Variants in PHC2 observed in about 807,000 individuals in gnomAD.
PHC2 encodes the protein polyhomeotic homolog 2, also known as polyhomeotic-like protein 2.
Under a neutral mutation model 87.4 loss-of-function variants are expected in PHC2, and 29 were observed. The observed-to-expected ratio is 0.33, with a 90% confidence interval of 0.25 to 0.45. The LOEUF (loss-of-function observed/expected upper bound fraction) is 0.45. PHC2 is among the 20% of genes least tolerant of loss of function. The pLI, the probability that PHC2 is intolerant of heterozygous loss-of-function variation, is 1.00. For missense variants in PHC2, 857 were observed against 1,136.7 expected, an observed-to-expected ratio of 0.75 and a Z score of 3.54; for synonymous variants, 438 against 461.7, an observed-to-expected ratio of 0.95 and a Z score of 0.66.
chr1:33,371,576 C>T (rs1383770629), intron 3 of PHC2, among the ~76,000 whole-genome samples: 1 of 152,238 alleles, frequency 6.6e-6, no homozygotes, highest in Admixed American at 6.5e-5. Context: ...CAGACATGAG[C>T]TGGAGTGTCC....
At chr1:33,375,050 G>A (rs529941113) in intron 2 of PHC2, among the ~76,000 whole-genome samples, 5 of 152,214 alleles carry the variant, frequency 3.3e-5, no homozygotes, top group Non-Finnish European at 7.3e-5. Context: ...ACTGAGATGT[G>A]TTCTTCACCG....
At position 33,400,977 on chromosome 1, in the gene PHC2, G is replaced by T. The variant is rs1175609107; in HGVS notation, c.-54-25384C>A. 3.3e-5 allele frequency among the ~76,000 whole-genome samples: 5 copies of T among 152,202 alleles called. No homozygotes were observed. In the East Asian group the frequency reaches 7.7e-4, roughly 24 times the overall value. ...AATAAATAAAAGCATTAAAGGAATT[G>T]TCTGAAGGTTAACAGACTCCAGTAC... On this transcript the variant is annotated intron_variant, in intron 1 of 14. Coordinates refer to ENST00000683057, the MANE Select transcript of PHC2 (RefSeq NM_001385109.1).
Position 33,327,932 on chromosome 1 carries a change from C to G in PHC2, c.2425+938G>C, listed in dbSNP as rs1180452146. Among the ~76,000 whole-genome samples, 4 of 152,196 alleles carry G rather than the reference C, an allele frequency of 2.6e-5. No individual in the cohort carries two copies. The East Asian group carries it at 7.7e-4, about 29-fold the overall frequency. On this transcript the variant is annotated intron_variant, in intron 14 of 14. Transcript: ENST00000683057. ...AGGAAGCCACTCCTGAATTCCTTAC[C>G]CACAGCAACTGTGTAATAAAAATTT... is the stretch of plus-strand genomic sequence containing the variant.
At position 33,373,178 on chromosome 1, in the gene PHC2, C is replaced by T. The variant is rs571850593; in HGVS notation, c.175-731G>A. 2.0e-4 allele frequency among the ~76,000 whole-genome samples: 31 copies of T among 152,214 alleles called. 1 individual carries two copies. The South Asian group carries it at 6.0e-3, about 30-fold the overall frequency. On this transcript the variant is annotated intron_variant, in intron 2 of 14. Transcript: ENST00000683057. The stretch of plus-strand genomic sequence containing the variant: ...TGTTGCCCAGGCTGGAGTGCAATGG[C>T]GTGATCTCGGCTCACTGCAACCTCT...
intron 1 of PHC2, among the ~76,000 whole-genome samples, chr1:33,389,193 GA>G (rs1454825592): frequency 1.3e-5 from 2 of 152,074 alleles, no homozygotes; most frequent in Non-Finnish European, 2.9e-5. Context: ...TGGGGGGTGC[GA>G]AAGAGACGAA....
rs147556764 is a variant in PHC2 at position 33,323,649 on chromosome 1, AAAAAC to A, written c.*1211_*1215del. 7.2e-4 allele frequency: 110 copies of A among 152,782 alleles called. 1 individual carries two copies. Among genetic ancestry groups the A allele is most frequent in the African/African-American group, 2.2e-3 (90 of 41,584 alleles). 9.5% of individuals were successfully genotyped at this position (152,782 alleles called of 1,614,324 possible). On this transcript the variant is annotated 3_prime_UTR_variant, in exon 15 of 15. Transcript: ENST00000683057. Reference sequence around the variant, plus strand: ...GACAGATTTTACAGATTTATTTTTAAAAAACAAAACAAAGGTTAAAAAAGTCCTTC... The same window carrying A: ...GACAGATTTTACAGATTTATTTTTAAAAAACAAAGGTTAAAAAAGTCCTTC...
In PHC2 at chr1:33,324,667, A is replaced by G; in HGVS notation, c.*198T>C. ...TAAAGCCCCATCTTCTGTGCCACCT[A>G]CCTCTCTGCCCCTCCCACAGAAATG... On this transcript the variant is annotated 3_prime_UTR_variant, in exon 15 of 15. Coordinates refer to ENST00000683057, the MANE Select transcript of PHC2 (RefSeq NM_001385109.1). The G allele has an allele frequency of 3.9e-6, 2 of 508,484 alleles. No individual in the cohort carries two copies. The highest frequency in any genetic ancestry group is 6.9e-6 in the Non-Finnish European group (2 of 288,358). 31.5% of individuals were successfully genotyped at this position (508,484 alleles called of 1,614,324 possible).
rs79400632 is a variant in PHC2 at position 33,344,012 on chromosome 1, G to T, written c.1559-9720C>A. On this transcript the variant is annotated intron_variant, in intron 9 of 14. Transcript: ENST00000683057. Reference sequence around the variant, plus strand: ...TTCTATGCAGTTTTTTCATAAAGGGGGGTTTTAAGCAGACAGTGCAGAAGA... The same window carrying T: ...TTCTATGCAGTTTTTTCATAAAGGGTGGTTTTAAGCAGACAGTGCAGAAGA... Among the ~76,000 whole-genome samples, 1,013 of 152,252 alleles carry T rather than the reference G, an allele frequency of 6.7e-3. 9 individuals are homozygous for T. The highest frequency in any genetic ancestry group is 0.013 in the Admixed American group (205 of 15,298).
chr1:33,368,614 G>T lies in PHC2; in HGVS notation c.585C>A (p.Phe195Leu). Residue 195 changes from phenylalanine (F) to leucine (L), a missense_variant, in exon 6 of 15, where the codon TTC (phenylalanine) becomes TTA (leucine). Around this residue, in one of 3 missense-constraint regions of PHC2, gnomAD observed 832 missense variants for 1,081.8 expected, o/e 0.77. Transcript: ENST00000683057. The surrounding 1 kb of genome is among the most constrained non-coding windows in gnomAD (Gnocchi z 6.6). Reference protein sequence around the residue: ...QMYLRAQMLIFTPTATVATVQ... With the variant: ...QMYLRAQMLILTPTATVATVQ... Reference sequence around the variant, plus strand: ...CAGTAGCGACGGTGGCCGTGGGCGTGAAGATGAGCTGAGGGGACAAAGGAA... The same window carrying T: ...CAGTAGCGACGGTGGCCGTGGGCGTTAAGATGAGCTGAGGGGACAAAGGAA... 6.4e-7 allele frequency: 1 copy of T among 1,551,022 alleles called. No individual in the cohort carries two copies. Among genetic ancestry groups the T allele is most frequent in the South Asian group, 1.2e-5 (1 of 84,050 alleles).
chr1:33,371,464 AGCCACCACCATCACACCTG>A (rs1647835986), intron 3 of PHC2, among the ~76,000 whole-genome samples: 1 of 151,122 alleles, frequency 6.6e-6, no homozygotes, highest in African/African-American at 2.4e-5. Context: ...CATCACACCC[AGCCACCACCATCACACCTG>A]GCCACCGCCA....
chr1:33,367,477 G>T, intron 6 of PHC2, 49 bp from the exon 7 acceptor site: 1 of 1,403,972 alleles, frequency 7.1e-7, no homozygotes, highest in Non-Finnish European at 9.7e-7. Flanking sequence ...CAGGAGCAAT[G>T]CCAGTATACA....
At position 33,410,034 on chromosome 1, in the gene PHC2, G is replaced by A. The variant is rs1446481968; in HGVS notation, c.-55+20942C>T. On this transcript the variant is annotated intron_variant, in intron 1 of 14. Transcript: ENST00000683057. Reference sequence around the variant, plus strand: ...ATATTTAGTAGTTTTGTATAGTGCCGGTCAATAAGGCTTAATTGCCTCTGC... The same window carrying A: ...ATATTTAGTAGTTTTGTATAGTGCCAGTCAATAAGGCTTAATTGCCTCTGC... Among the ~76,000 whole-genome samples, 8 of 152,216 alleles carry A rather than the reference G, an allele frequency of 5.3e-5. No homozygotes were observed. The South Asian group carries it at 8.3e-4, about 16-fold the overall frequency.
In PHC2 at chr1:33,344,331, A is replaced by G. The variant is rs146079634; in HGVS notation, c.1559-10039T>C. 2.6e-3 allele frequency among the ~76,000 whole-genome samples: 397 copies of G among 152,330 alleles called. 2 individuals carry two copies. The highest frequency in any genetic ancestry group is 8.9e-3 in the African/African-American group (372 of 41,582). ...TATGATGACTATTTTTTTGGTTATC[A>G]ACTGCAGCATCACTAATATTGTTAG... On this transcript the variant is annotated intron_variant, in intron 9 of 14. Coordinates refer to ENST00000683057, the MANE Select transcript of PHC2 (RefSeq NM_001385109.1).
In PHC2 at chr1:33,332,323, C is replaced by A. The variant is rs1227691467; in HGVS notation, c.1843G>T (p.Asp615Tyr). 4.3e-6 allele frequency: 7 copies of A among 1,614,052 alleles called. No homozygotes were observed. Among genetic ancestry groups the A allele is most frequent in the Non-Finnish European group, 5.9e-6 (7 of 1,180,034 alleles). ...GFLPEKLPQQ[D>Y]HTTTTDSEME... ...TCCGAGTCAGTGGTGGTGGTGTGAT[C>A]CTGCTGTGGAAGTTTCTCAGGCAGG... Residue 615 changes from aspartate (D) to tyrosine (Y), a missense_variant, in exon 11 of 15, where the codon GAT (aspartate) becomes TAT (tyrosine). Physicochemically the swap from Asp to Tyr is radical, Grantham distance 160. Coordinates refer to ENST00000683057, the MANE Select transcript of PHC2 (RefSeq NM_001385109.1). The surrounding 1 kb of genome is among the most constrained non-coding windows in gnomAD (Gnocchi z 4.2).
chr1:33,340,011 A>G (rs374453296), intron 9 of PHC2, among the ~76,000 whole-genome samples: 7 of 152,212 alleles, frequency 4.6e-5, no homozygotes, highest in African/African-American at 1.7e-4. Flanking sequence ...CACTCATTCT[A>G]TCTGACCCTA....
intron 1 of PHC2, among the ~76,000 whole-genome samples, chr1:33,424,112 C>CAAAAAAAAAAAAAAA (rs1212690881): frequency 7.3e-6 from 1 of 137,346 alleles, no homozygotes; most frequent in Non-Finnish European, 1.6e-5. Flanking sequence ...AAAAAAAAAA[C>CAAAAAAAAAAAAAAA]AAAAAAAACA....
At chr1:33,376,144 C>T (rs376181180) in intron 1 of PHC2, among the ~76,000 whole-genome samples, 4 of 152,330 alleles carry the variant, frequency 2.6e-5, no homozygotes, top group East Asian at 1.9e-4. Flanking sequence ...AAGCGATTCT[C>T]GTGCCTCAGC....
chr1:33,348,976 T>C, intron 9 of PHC2: 1 of 754,248 alleles, frequency 1.3e-6, no homozygotes. Context: ...ATTATTTCCC[T>C]GTCTGTGGAC....
intron 1 of PHC2, among the ~76,000 whole-genome samples, chr1:33,391,032 C>T (rs964551991): frequency 2.6e-5 from 4 of 152,086 alleles, no homozygotes; most frequent in South Asian, 4.2e-4. Context: ...ACACATTGTC[C>T]CCTCTTTTCT....
Sources: gnomAD v4.1 joint callset for allele counts (sites outside exome capture counted in the v4.1 genomes callset) on GRCh38, gnomAD v4.1.1 for gene constraint, gnomAD v4.1.1 regional missense constraint, Gnocchi (gnomAD v3.1) non-coding constraint, MANE v1.5 for transcripts, NCBI Gene and HGNC (gene_info 2026-07-23, HGNC 2026-07-21) for gene names.